Variants in RBFOX1 observed in about 807,000 individuals in gnomAD.
The protein encoded by RBFOX1 is RNA binding fox-1 homolog 1, also known as RNA binding protein fox-1 homolog 1.
In RBFOX1, 8 loss-of-function variants were observed where a neutral mutation model predicts 57.7. That is an observed-to-expected ratio of 0.14 (90% confidence interval 0.08 to 0.25). The LOEUF (loss-of-function observed/expected upper bound fraction) is 0.25, where lower values mean the gene tolerates loss of function less well. Among genes scored for constraint, RBFOX1 ranks in the 10% least tolerant of loss-of-function variants. The pLI is 1.00. For synonymous variants in RBFOX1, 326 were observed against 222.4 expected, an observed-to-expected ratio of 1.47 and a Z score of -4.15; for missense variants, 611 against 548.5, an observed-to-expected ratio of 1.11 and a Z score of -1.14.
intron 3 of RBFOX1, among the ~76,000 whole-genome samples, chr16:6,679,369 T>G (rs1283382309): frequency 6.6e-6 from 1 of 152,162 alleles, no homozygotes; most frequent in African/African-American, 2.4e-5. Context: ...TGGGAAATGC[T>G]TGTCTTGCTA....
intron 3 of RBFOX1, among the ~76,000 whole-genome samples, chr16:5,778,352 C>G (rs2054213450): frequency 6.6e-6 from 1 of 152,286 alleles, no homozygotes; most frequent in South Asian, 2.1e-4. Flanking sequence ...AGACAGGACC[C>G]CCGACCTGGC....
chr16:5,594,274 C>G (rs1470995979), intron 2 of RBFOX1, among the ~76,000 whole-genome samples: 1 of 152,276 alleles, frequency 6.6e-6, no homozygotes. Flanking sequence ...ATTGATACAT[C>G]TGGATGTGGC....
chr16:6,588,206 G>A (rs986650621), intron 2 of RBFOX1, among the ~76,000 whole-genome samples: 2 of 151,882 alleles, frequency 1.3e-5, no homozygotes, highest in African/African-American at 4.8e-5. Context: ...ACTCCAGCCT[G>A]GGCACAGAGC....
chr16:7,233,350 C>A (rs1451977166), intron 4 of RBFOX1, among the ~76,000 whole-genome samples: 1 of 151,994 alleles, frequency 6.6e-6, no homozygotes, highest in Admixed American at 6.6e-5. Flanking sequence ...ATATTCTTTT[C>A]CATGACATGT....
At chr16:5,400,909 C>T (rs1179149205) in intron 1 of RBFOX1, among the ~76,000 whole-genome samples, 1 of 152,026 alleles carries the variant, frequency 6.6e-6, no homozygotes, top group Admixed American at 6.6e-5. Context: ...GTTCATAGAT[C>T]ATTTTTCTAT....
At chr16:5,950,375 T>C (rs1597921265) in intron 4 of RBFOX1, among the ~76,000 whole-genome samples, 2 of 152,356 alleles carry the variant, frequency 1.3e-5, no homozygotes, top group African/African-American at 4.8e-5. Context: ...CAGTGGTTTT[T>C]AGCACCCACT....
chr16:6,814,398 G>GTAAA (rs1400250111), intron 3 of RBFOX1, among the ~76,000 whole-genome samples: 1 of 152,192 alleles, frequency 6.6e-6, no homozygotes, highest in East Asian at 1.9e-4. Flanking sequence ...CATTCTTACG[G>GTAAA]TAAATAATCT....
At chr16:5,862,043 G>T (rs1226836246) in intron 3 of RBFOX1, among the ~76,000 whole-genome samples, 3 of 152,096 alleles carry the variant, frequency 2.0e-5, no homozygotes, top group South Asian at 4.2e-4. Context: ...GTCTGGCCGA[G>T]GTGTCCTTAC....
chr16:6,444,840 G>A (rs2094453322), intron 2 of RBFOX1, among the ~76,000 whole-genome samples: 1 of 152,112 alleles, frequency 6.6e-6, no homozygotes, highest in Non-Finnish European at 1.5e-5. Context: ...GAAGGGCTGG[G>A]GCTTGGTTCT....
At chr16:5,248,746 T>G (rs1254850350) in intron 1 of RBFOX1, among the ~76,000 whole-genome samples, 1 of 151,878 alleles carries the variant, frequency 6.6e-6, no homozygotes, top group Non-Finnish European at 1.5e-5. Flanking sequence ...TCCCAGCACT[T>G]TGGGAGGCCA....
At chr16:6,904,664 C>T (rs1233979583) in intron 3 of RBFOX1, among the ~76,000 whole-genome samples, 1 of 148,492 alleles carries the variant, frequency 6.7e-6, no homozygotes. Context: ...CATCTTGTAC[C>T]TGAGGACTGT....
chr16:6,263,095 GT>G (rs1341506638), intron 1 of RBFOX1, among the ~76,000 whole-genome samples: 2 of 152,178 alleles, frequency 1.3e-5, no homozygotes, highest in Non-Finnish European at 2.9e-5. Flanking sequence ...AAAGTTTGGT[GT>G]GTTTAGGAGA....
At chr16:7,149,243 C>T (rs1443957539) in intron 4 of RBFOX1, among the ~76,000 whole-genome samples, 1 of 152,042 alleles carries the variant, frequency 6.6e-6, no homozygotes, top group East Asian at 1.9e-4. Context: ...CTGTTTTGAT[C>T]TGGTGGAAGA....
intron 3 of RBFOX1, among the ~76,000 whole-genome samples, chr16:6,754,914 C>G (rs2075547443): frequency 6.6e-6 from 1 of 151,268 alleles, no homozygotes. Flanking sequence ...TCCATGTGTT[C>G]TCATTGTTCA....
intron 4 of RBFOX1, among the ~76,000 whole-genome samples, chr16:7,168,802 C>A (rs1299874419): frequency 6.6e-6 from 1 of 152,162 alleles, no homozygotes; most frequent in Non-Finnish European, 1.5e-5. Context: ...TGCCAATAAA[C>A]TGTTATTCTA....
Position 7,518,321 on chromosome 16 carries a change from C to G in RBFOX1, c.202C>G (p.Pro68Ala). 1 of 1,614,094 alleles carries G rather than the reference C, an allele frequency of 6.2e-7. No individual in the cohort carries two copies. Among genetic ancestry groups the G allele is most frequent in the Non-Finnish European group, 8.5e-7 (1 of 1,179,984 alleles). Residue 68 changes from proline (P) to alanine (A), a missense_variant, in exon 5 of 16, where the codon CCC becomes GCC. Coordinates refer to ENST00000550418, the MANE Select transcript of RBFOX1 (RefSeq NM_018723.4). The stretch of plus-strand genomic sequence containing the variant: ...CGAGCACACATTAAACCTGTACCCT[C>G]CCGCCCAGACGCACTCCGAGCAGAG... ...VPEHTLNLYP[P>A]AQTHSEQSPA...
chr16:5,342,373 G>A (rs574216221), intron 1 of RBFOX1, among the ~76,000 whole-genome samples: 1 of 152,148 alleles, frequency 6.6e-6, no homozygotes, highest in Non-Finnish European at 1.5e-5. Flanking sequence ...ACAGAGCAGA[G>A]TCCTGCAGGT....
At chr16:6,649,156 A>C (rs374993901) in intron 2 of RBFOX1, among the ~76,000 whole-genome samples, 6 of 152,178 alleles carry the variant, frequency 3.9e-5, no homozygotes, top group African/African-American at 1.4e-4. Context: ...CCACCATTGT[A>C]CTTTTTAGTA....
At chr16:5,255,907 T>A (rs1382148640) in intron 1 of RBFOX1, among the ~76,000 whole-genome samples, 2 of 151,906 alleles carry the variant, frequency 1.3e-5, no homozygotes, top group Non-Finnish European at 2.9e-5. Flanking sequence ...GTGCTTTGAT[T>A]TTCTTATCTG....
Sources: gnomAD v4.1 joint callset for allele counts (sites outside exome capture counted in the v4.1 genomes callset) on GRCh38, gnomAD v4.1.1 for gene constraint, MANE v1.5 for transcripts, NCBI Gene and HGNC (gene_info 2026-07-23, HGNC 2026-07-21) for gene names.